Variants in GPHN observed in about 807,000 individuals in gnomAD.
GPHN encodes gephyrin.
Under a neutral mutation model 95.5 loss-of-function variants are expected in GPHN, and 17 were observed. The ratio of observed to expected loss-of-function variants is 0.18; its 90% CI spans 0.12 to 0.27. GPHN has a LOEUF of 0.27. GPHN is among the 10% of genes least tolerant of loss of function. The pLI is 1.00. For missense variants in GPHN, 660 were observed against 978.1 expected (o/e 0.67, Z 4.34); for synonymous variants, 320 against 322.5 (o/e 0.99, Z 0.08).
chr14:67,641,046 T>C, the GPHN span, among the ~76,000 whole-genome samples: 1 of 152,216 alleles, frequency 6.6e-6, no homozygotes, highest in Admixed American at 6.5e-5. Flanking sequence ...AATAACTGCC[T>C]ATCAGTAGCA....
chr14:66,893,611 AC>A (rs1269713627), intron 5 of GPHN, among the ~76,000 whole-genome samples: 2 of 152,072 alleles, frequency 1.3e-5, no homozygotes, highest in African/African-American at 4.8e-5. Flanking sequence ...TGTTTAGAAA[AC>A]CCCATCGTCT....
the GPHN span, among the ~76,000 whole-genome samples, chr14:67,448,771 A>G: frequency 6.6e-6 from 1 of 152,186 alleles, no homozygotes; most frequent in African/African-American, 2.4e-5. Context: ...TGACAAATCC[A>G]TTAGAACAGA....
chr14:67,085,265 CAG>C (rs1458557771), intron 11 of GPHN, among the ~76,000 whole-genome samples: 6 of 152,098 alleles, frequency 3.9e-5, no homozygotes, highest in African/African-American at 1.4e-4. Context: ...AGGAACCTTC[CAG>C]AATGGAATTG....
the GPHN span, chr14:67,387,317 C>G: frequency 1.9e-6 from 3 of 1,606,784 alleles, no homozygotes; most frequent in Middle Eastern, 1.7e-4. Context: ...TCCTGGTTCC[C>G]TCAGGTCCTT....
At position 66,764,159 on chromosome 14, in the gene GPHN, C is replaced by G. The variant is rs548773206; in HGVS notation, c.144-12305C>G. On this transcript the variant is annotated intron_variant, in intron 2 of 22. Coordinates refer to ENST00000478722, the MANE Select transcript of GPHN (RefSeq NM_020806.5). ...CATCACAAAACCATGCCCCCAACCC[C>G]CCAATCCTTGGAAAAATTGTCTTCC... Among the ~76,000 whole-genome samples, 126 of 152,270 alleles carry G rather than the reference C, an allele frequency of 8.3e-4. 3 individuals carry two copies. In the South Asian group the frequency reaches 0.025, roughly 31 times the overall value.
the GPHN span, chr14:67,338,823 T>C: frequency 1.4e-5 from 21 of 1,458,460 alleles, no homozygotes; most frequent in Non-Finnish European, 2.0e-5. Context: ...GTAGATTTGA[T>C]TTCTTTGAGT....
chr14:66,674,993 T>C (rs565577048), intron 1 of GPHN, among the ~76,000 whole-genome samples: 2 of 152,280 alleles, frequency 1.3e-5, no homozygotes, highest in East Asian at 1.9e-4. Context: ...TCTTTGATCT[T>C]TTATAATAGC....
the GPHN span, among the ~76,000 whole-genome samples, chr14:67,213,239 G>A: frequency 1.3e-5 from 2 of 149,460 alleles, no homozygotes; most frequent in Non-Finnish European, 3.0e-5. Flanking sequence ...ATGTATACAT[G>A]TGCCATGCTG....
chr14:67,573,826 G>T, the GPHN span: 49 of 1,613,490 alleles, frequency 3.0e-5, no homozygotes, highest in Non-Finnish European at 4.1e-5. This position sits in a 1 kb window ranked among gnomAD's most constrained non-coding sequence, Gnocchi z 4.8. Context: ...AAACCTCAAG[G>T]CCAAGTGGAT....
intron 8 of GPHN, among the ~76,000 whole-genome samples, chr14:66,959,197 TTTAA>T (rs1056024232): frequency 7.2e-5 from 11 of 152,158 alleles, no homozygotes; most frequent in African/African-American, 2.7e-4. Flanking sequence ...ATGTAGTTTT[TTTAA>T]TTATATGGGG....
intron 1 of GPHN, among the ~76,000 whole-genome samples, chr14:66,656,000 A>C (rs1210561541): frequency 6.6e-6 from 1 of 152,070 alleles, no homozygotes; most frequent in African/African-American, 2.4e-5. Flanking sequence ...TTCTTTTACT[A>C]ATATTTTGTT....
the GPHN span, among the ~76,000 whole-genome samples, chr14:67,280,958 G>A: frequency 2.0e-5 from 3 of 149,464 alleles, no homozygotes; most frequent in Non-Finnish European, 3.0e-5. Context: ...GTGCAGTGGT[G>A]CAATCTTCGG....
chr14:67,388,119 A>G, the GPHN span: 1 of 705,706 alleles, frequency 1.4e-6, no homozygotes, highest in African/African-American at 1.8e-5. Context: ...TCATGGAGAA[A>G]GCCCTGCTCG....
At chr14:67,096,508 T>C (rs1269950113) in intron 12 of GPHN, among the ~76,000 whole-genome samples, 3 of 152,198 alleles carry the variant, frequency 2.0e-5, no homozygotes, top group African/African-American at 4.8e-5. Flanking sequence ...GAATGCCAAC[T>C]TCATTTCTTT....
intron 17 of GPHN, among the ~76,000 whole-genome samples, chr14:67,142,689 A>G (rs117455101): frequency 0.012 from 1,831 of 152,102 alleles, 19 homozygotes; most frequent in Non-Finnish European, 0.018. Context: ...TCCATTTCCT[A>G]TTAGATAAAC....
chr14:67,089,242 C>A (rs1328152725), intron 12 of GPHN, among the ~76,000 whole-genome samples, 167 bp downstream of exon 12: 1 of 144,288 alleles, frequency 6.9e-6, no homozygotes, highest in African/African-American at 2.5e-5. Flanking sequence ...TCACAGATAA[C>A]CATGTTAATC....
the GPHN span, chr14:67,374,663 A>T: frequency 3.1e-6 from 2 of 641,372 alleles, no homozygotes; most frequent in Non-Finnish European, 4.9e-6. Context: ...AATATTCTCA[A>T]ATTAGTACTA....
chr14:66,576,366 G>A (rs538805337), intron 1 of GPHN, among the ~76,000 whole-genome samples: 2 of 151,468 alleles, frequency 1.3e-5, no homozygotes, highest in African/African-American at 4.8e-5. Context: ...TTTTTTTCAA[G>A]AGGGAAAGAG....
chr14:67,549,973 C>T, the GPHN span, among the ~76,000 whole-genome samples: 8 of 152,146 alleles, frequency 5.3e-5, no homozygotes, highest in Non-Finnish European at 1.0e-4. Flanking sequence ...TACCCCGGGC[C>T]CCATTCACCT....
Sources: gnomAD v4.1 joint callset for allele counts (sites outside exome capture counted in the v4.1 genomes callset) on GRCh38, gnomAD v4.1.1 for gene constraint, Gnocchi (gnomAD v3.1) non-coding constraint, MANE v1.5 for transcripts, NCBI Gene and HGNC (gene_info 2026-07-23, HGNC 2026-07-21) for gene names.